CD244: variants seen among roughly 807,000 people sequenced by gnomAD.
The protein encoded by CD244 is CD244 molecule.
CD244 carries 20 observed loss-of-function variants against 45.5 expected under a neutral mutation model. The observed-to-expected ratio is 0.44, with a 90% CI of 0.31 to 0.64. CD244 has a LOEUF of 0.64. CD244 is among the 30% of genes least tolerant of loss of function. The pLI, the probability that CD244 is intolerant of heterozygous loss-of-function variation, is 0.08. For synonymous variants in CD244, 185 were observed against 160.5 expected, an observed-to-expected ratio of 1.15 and a Z score of -1.15; for missense variants, 407 against 426.9, an observed-to-expected ratio of 0.95 and a Z score of 0.41.
chr1:160,861,184 T>C (rs58418513), intron 1 of CD244, among the ~76,000 whole-genome samples: 39,209 of 152,046 alleles, frequency 0.26, 5,623 homozygotes, highest in East Asian at 0.39. Flanking sequence ...CTCTCCTGCC[T>C]AGAATCCTGG....
chr1:160,832,870 G>GTGTGTATATATATA (rs1336342075), intron 7 of CD244, among the ~76,000 whole-genome samples: 1 of 117,852 alleles, frequency 8.5e-6, no homozygotes, highest in South Asian at 2.7e-4. Flanking sequence ...GTGTGTGTGT[G>GTGTGTATATATATA]TATATATATA....
intron 4 of CD244, 77 bp downstream of exon 4, chr1:160,838,862 A>G (rs988054735): frequency 1.4e-5 from 13 of 937,286 alleles, no homozygotes; most frequent in Non-Finnish European, 2.0e-5. Context: ...TCCCAGACAC[A>G]TCCCACTGGA....
rs1009671906 is a variant in CD244, at chr1:160,856,631, T to C, written c.61+5986A>G. ...TGACACATAGCATTTCCATCTTCCC[T>C]TATAGTTGTAATTATACATACCCAT... On this transcript the variant is annotated intron_variant, in intron 1 of 8. Coordinates refer to ENST00000368034, the MANE Select transcript of CD244 (RefSeq NM_016382.4). Among the ~76,000 whole-genome samples the C allele has an allele frequency of 1.5e-4, 23 of 152,320 alleles. No individual in the cohort carries two copies. The South Asian group carries it at 3.3e-3, about 22-fold the overall frequency.
At chr1:160,847,670 T>TGA (rs1669781450) in intron 1 of CD244, among the ~76,000 whole-genome samples, 1 of 152,176 alleles carries the variant, frequency 6.6e-6, no homozygotes, top group Non-Finnish European at 1.5e-5. Context: ...GAGTATCAAA[T>TGA]GTGCAATATA....
chr1:160,837,928 TCAGGCTGGTGGGCTTTGTGC>T (rs1669390636), intron 5 of CD244, among the ~76,000 whole-genome samples: 1 of 152,204 alleles, frequency 6.6e-6, no homozygotes, highest in African/African-American at 2.4e-5. Flanking sequence ...AGGAGCCTAC[TCAGGCTGGTGGGCTTTGTGC>T]CAGGCTGGTT....
intron 3 of CD244, among the ~76,000 whole-genome samples, chr1:160,840,223 C>A (rs1372125662): frequency 6.6e-6 from 1 of 151,694 alleles, no homozygotes. Context: ...CCTGCCTCAG[C>A]CTCCCAAAGT....
intron 1 of CD244, 121 bp downstream of exon 1, chr1:160,862,496 G>T: frequency 1.3e-6 from 1 of 796,918 alleles, no homozygotes; most frequent in Admixed American, 2.3e-5. Context: ...GTCAGGAGCT[G>T]CTCGGAGTCA....
chr1:160,839,710 T>A (rs1483502375), intron 3 of CD244, among the ~76,000 whole-genome samples: 1 of 152,224 alleles, frequency 6.6e-6, no homozygotes, highest in Non-Finnish European at 1.5e-5. Flanking sequence ...CATTCGTGGA[T>A]CTTGGCATCT....
intron 1 of CD244, chr1:160,848,602 A>G (rs1669815233): frequency 2.8e-6 from 1 of 356,696 alleles, no homozygotes; most frequent in Non-Finnish European, 5.4e-6. Context: ...ATCTGAACAG[A>G]CAGGCCTTGC....
intron 1 of CD244, among the ~76,000 whole-genome samples, chr1:160,860,391 T>C (rs761398192): frequency 1.4e-4 from 21 of 151,754 alleles, no homozygotes; most frequent in Admixed American, 8.5e-4. Flanking sequence ...AGACTGAACA[T>C]GAGAAACATA....
chr1:160,843,387 A>G (rs909746655), intron 1 of CD244, among the ~76,000 whole-genome samples: 8 of 152,182 alleles, frequency 5.3e-5, no homozygotes, highest in African/African-American at 1.9e-4. Flanking sequence ...TTGCACAAAG[A>G]CCCTGAGAAC....
intron 1 of CD244, among the ~76,000 whole-genome samples, chr1:160,847,376 C>G (rs769355619): frequency 6.6e-6 from 1 of 151,926 alleles, no homozygotes; most frequent in African/African-American, 2.4e-5. Flanking sequence ...TAAAACAATT[C>G]TCCTAACAAT....
chr1:160,861,588 TG>T (rs1203325812), intron 1 of CD244, among the ~76,000 whole-genome samples: 2 of 152,108 alleles, frequency 1.3e-5, no homozygotes. Flanking sequence ...CCCAGCACTT[TG>T]GATGGGGGAG....
At chr1:160,833,086 A>G (rs1403317862) in intron 7 of CD244, among the ~76,000 whole-genome samples, 2 of 152,064 alleles carry the variant, frequency 1.3e-5, no homozygotes, top group East Asian at 3.9e-4. Context: ...CAGGCATATA[A>G]ATAATTGCCA....
chr1:160,842,100 C>G (rs1669567288), intron 1 of CD244, among the ~76,000 whole-genome samples, 199 bp from the exon 2 acceptor site: 1 of 152,160 alleles, frequency 6.6e-6, no homozygotes, highest in Admixed American at 6.5e-5. Context: ...TGAGGGATCC[C>G]ATAGACCAAT....
intron 7 of CD244, 85 bp downstream of exon 7, chr1:160,833,966 G>A: frequency 1.1e-6 from 1 of 936,022 alleles, no homozygotes; most frequent in Non-Finnish European, 1.8e-6. Context: ...TTGCCAGGAT[G>A]TGCACACACA....
At chr1:160,851,715 G>T (rs1402713893) in intron 1 of CD244, among the ~76,000 whole-genome samples, 1 of 151,732 alleles carries the variant, frequency 6.6e-6, no homozygotes, top group Admixed American at 6.6e-5. Flanking sequence ...GCTAATTTTT[G>T]CATTTTTGGT....
At chr1:160,857,162 C>A (rs1670138314) in intron 1 of CD244, among the ~76,000 whole-genome samples, 1 of 152,232 alleles carries the variant, frequency 6.6e-6, no homozygotes, top group African/African-American at 2.4e-5. Context: ...ATTTAATTTT[C>A]CATCTGCAGA....
intron 1 of CD244, among the ~76,000 whole-genome samples, chr1:160,845,714 A>G (rs2779791): frequency 0.99 from 150,839 of 152,236 alleles, 74,739 homozygotes; most frequent in East Asian, 1. Context: ...AAATTAGCCA[A>G]GTATGGTGGT....
Sources: allele counts gnomAD v4.1 joint callset (sites outside exome capture counted in the v4.1 genomes callset), GRCh38; gene constraint gnomAD v4.1.1; transcripts MANE v1.5; gene names NCBI Gene and HGNC (gene_info 2026-07-23, HGNC 2026-07-21).